The following USH2A variants were observed in gnomAD, a reference collection of about 807,000 sequenced individuals.
USH2A encodes the protein Usher syndrome 2A (autosomal recessive, mild).
Under a neutral mutation model 538.9 loss-of-function variants are expected in USH2A, and 443 were observed. The observed-to-expected ratio is 0.82, with a 90% CI of 0.76 to 0.89. USH2A has a LOEUF of 0.89. Ranked by LOEUF, USH2A falls within the 40% of genes least tolerant of loss-of-function variation. The pLI is 0.00. For missense variants in USH2A, 6,633 were observed against 6,324.8 expected (o/e 1.05, Z -1.65); for synonymous variants, 2,413 against 2,273.5 (o/e 1.06, Z -1.75).
Position 215,934,598 on chromosome 1 carries a change from A to G in USH2A, c.7300+18T>C, listed in dbSNP as rs375860141. The G allele has an allele frequency of 1.2e-6, 2 of 1,609,498 alleles. No homozygotes were observed. The highest frequency in any genetic ancestry group is 2.7e-5 in the African/African-American group (2 of 74,770). ...GCATTTATATAAAATTAGATAGCCA[A>G]CATTTGCATAGACTTACCTCCTGGA... On this transcript the variant is annotated intron_variant, in intron 38 of 71. Transcript: ENST00000307340.
rs1656935851 is a variant in USH2A, at chr1:215,648,553, TG to T, written c.14556del (p.Met4853CysfsTer31). 6.2e-7 allele frequency: 1 copy of T among 1,614,060 alleles called. No homozygotes were observed. Among genetic ancestry groups the T allele is most frequent in the East Asian group, 2.2e-5 (1 of 44,866 alleles). On this transcript the variant is annotated frameshift_variant, in exon 66 of 72. Transcript: ENST00000307340. LOFTEE classifies it high-confidence loss of function. ...CTGTGAATGACACCATTGGGGAACA[TG>T]GGGGGACTCCACCGGAAGGAGGCCG... ...SRTASFRWSP[P>X]MFPNGVIHSY... is the part of the protein sequence containing the mutation.
intron 30 of USH2A, among the ~76,000 whole-genome samples, chr1:216,065,423 T>A (rs1468726666): frequency 6.6e-6 from 1 of 152,216 alleles, no homozygotes; most frequent in African/African-American, 2.4e-5. Flanking sequence ...TATTGAACAT[T>A]TTAAGGGTGT....
chr1:216,185,469 T>C (rs2034580095), intron 20 of USH2A, among the ~76,000 whole-genome samples: 2 of 151,956 alleles, frequency 1.3e-5, no homozygotes, highest in African/African-American at 2.4e-5. Flanking sequence ...ATTCAAATGC[T>C]TCCAAAAGGC....
At chr1:216,320,455 A>T (rs1460385808) in intron 9 of USH2A, among the ~76,000 whole-genome samples, 3 of 152,198 alleles carry the variant, frequency 2.0e-5, no homozygotes, top group Non-Finnish European at 4.4e-5. Flanking sequence ...TTGTCATTGA[A>T]GAACTGCTTT....
intron 38 of USH2A, among the ~76,000 whole-genome samples, chr1:215,922,936 T>C (rs141804686): frequency 2.0e-4 from 31 of 152,138 alleles, no homozygotes; most frequent in Admixed American, 1.2e-3. Flanking sequence ...GCTCAGAAGA[T>C]TGTCAAATGA....
chr1:215,736,901 C>T (rs1371861977), intron 60 of USH2A, among the ~76,000 whole-genome samples: 1 of 151,832 alleles, frequency 6.6e-6, no homozygotes, highest in Non-Finnish European at 1.5e-5. Context: ...CTTAGGAATC[C>T]TCAACAATTT....
intron 32 of USH2A, among the ~76,000 whole-genome samples, chr1:216,036,739 C>T (rs1190764808): frequency 6.6e-6 from 1 of 152,068 alleles, no homozygotes; most frequent in Non-Finnish European, 1.5e-5. Context: ...TTTCAGTTTG[C>T]AAATTTTCCA....
chr1:215,962,178 G>A (rs1389531686), intron 37 of USH2A, among the ~76,000 whole-genome samples: 4 of 152,058 alleles, frequency 2.6e-5, no homozygotes, highest in African/African-American at 9.7e-5. Context: ...TGACAAGACT[G>A]TGGGGAGACA....
At chr1:215,816,944 T>TG in intron 48 of USH2A, 53 bp downstream of exon 48, 1 of 1,565,080 alleles carries the variant, frequency 6.4e-7, no homozygotes, top group Non-Finnish European at 8.8e-7. Flanking sequence ...TAATTTCACT[T>TG]GGAGTCTTGA....
intron 37 of USH2A, among the ~76,000 whole-genome samples, chr1:215,935,478 C>G (rs965418025): frequency 6.6e-6 from 1 of 151,936 alleles, no homozygotes; most frequent in African/African-American, 2.4e-5. Context: ...AGCTGCCTAG[C>G]TATATAAAAG....
intron 11 of USH2A, among the ~76,000 whole-genome samples, chr1:216,284,479 G>T (rs997812143): frequency 1.3e-5 from 2 of 152,092 alleles, no homozygotes; most frequent in Non-Finnish European, 2.9e-5. Context: ...GGCCTCCCCC[G>T]CCCTGAGGAA....
intron 22 of USH2A, among the ~76,000 whole-genome samples, chr1:216,093,370 T>A (rs543515118): frequency 6.6e-6 from 1 of 152,266 alleles, no homozygotes; most frequent in East Asian, 1.9e-4. Flanking sequence ...CTAATAGCAG[T>A]GACGAGTACT....
intron 47 of USH2A, among the ~76,000 whole-genome samples, chr1:215,826,722 C>A (rs927216329): frequency 6.6e-6 from 1 of 152,016 alleles, no homozygotes; most frequent in African/African-American, 2.4e-5. Context: ...GTGTTTAAGG[C>A]AGTAAGTAGC....
chr1:216,213,360 T>C (rs1210669864), intron 15 of USH2A, among the ~76,000 whole-genome samples: 1 of 152,056 alleles, frequency 6.6e-6, no homozygotes, highest in Non-Finnish European at 1.5e-5. Flanking sequence ...CTGGCTAATA[T>C]GTGGGCATTT....
chr1:216,292,292 A>G lies in USH2A; in HGVS notation c.1723T>C (p.Cys575Arg), dbSNP rs1202154585. 1 of 1,614,118 alleles carries G rather than the reference A, an allele frequency of 6.2e-7. No individual in the cohort carries two copies. The highest frequency in any genetic ancestry group is 8.5e-7 in the Non-Finnish European group (1 of 1,179,970). ...CTTTTGGAATGGCTGTTGCATTGAC[A>G]AGGTTTACAATTGAAAGCGTAAACT... ...DQVYAFNCKP[C>R]QCNSHSKSCH... The change falls in exon 10 of 72, where the codon TGT becomes CGT. Residue 575 changes from cysteine to arginine, a missense_variant. Coordinates refer to ENST00000307340, the MANE Select transcript of USH2A (RefSeq NM_206933.4).
chr1:215,806,018 A>ACAG (rs1401202540), intron 49 of USH2A, among the ~76,000 whole-genome samples: 1 of 148,488 alleles, frequency 6.7e-6, no homozygotes, highest in Admixed American at 6.7e-5. Flanking sequence ...AACTGACAAA[A>ACAG]CAGCACCTCT....
At chr1:216,177,417 T>G (rs2034410175) in intron 20 of USH2A, among the ~76,000 whole-genome samples, 1 of 152,186 alleles carries the variant, frequency 6.6e-6, no homozygotes, top group African/African-American at 2.4e-5. Context: ...AAAACTGATC[T>G]AAATGAAAGC....
At chr1:215,912,657 A>G (rs1665841515) in intron 38 of USH2A, among the ~76,000 whole-genome samples, 1 of 151,822 alleles carries the variant, frequency 6.6e-6, no homozygotes, top group South Asian at 2.1e-4. Context: ...TTACTTTTTA[A>G]AAAACTTTTA....
intron 4 of USH2A, among the ~76,000 whole-genome samples, chr1:216,349,493 G>T (rs1406327871): frequency 6.6e-6 from 1 of 152,162 alleles, no homozygotes; most frequent in Non-Finnish European, 1.5e-5. Flanking sequence ...TAAAGACCTT[G>T]CTGATAAAAC....
Sources: allele counts gnomAD v4.1 joint callset (sites outside exome capture counted in the v4.1 genomes callset), GRCh38; gene constraint gnomAD v4.1.1; transcripts MANE v1.5; gene names NCBI Gene and HGNC (gene_info 2026-07-23, HGNC 2026-07-21).